Variants in PKP4 observed in about 807,000 individuals in gnomAD.
PKP4 encodes plakophilin 4, also known as plakophilin-4.
In PKP4, 90 loss-of-function variants were observed where a neutral mutation model predicts 145.1. The observed-to-expected ratio is 0.62, with a 90% confidence interval of 0.52 to 0.74. PKP4 has a LOEUF of 0.74. Ranked by LOEUF, PKP4 falls within the 30% of genes least tolerant of loss-of-function variation. PKP4 has a pLI of 0.00. For missense variants in PKP4, 1,340 were observed against 1,482.7 expected, an observed-to-expected ratio of 0.90 and a Z score of 1.58; for synonymous variants, 563 against 577.2, an observed-to-expected ratio of 0.98 and a Z score of 0.35.
At position 158,631,457 on chromosome 2, in the gene PKP4, C is replaced by T. The variant is rs2053352752; in HGVS notation, c.1154-296C>T. ...GGAGTGCAGTGGTGTGATCATGGCT[C>T]ACTGCAGCCTCGACATTCTGGGTTC... is the stretch of plus-strand genomic sequence containing the variant. On this transcript the variant is annotated intron_variant, in intron 7 of 21. Transcript: ENST00000389759. Among the ~76,000 whole-genome samples, 5 of 152,184 alleles carry T rather than the reference C, an allele frequency of 3.3e-5. No homozygotes were observed. In the South Asian group the frequency reaches 1.0e-3, roughly 32 times the overall value.
intron 2 of PKP4, 67 bp downstream of exon 2, chr2:158,533,383 A>G: frequency 6.4e-7 from 1 of 1,565,246 alleles, no homozygotes; most frequent in Admixed American, 1.7e-5. Context: ...TAATCTTTGG[A>G]TATGTTTTAA....
At chr2:158,582,449 TAAGATG>T (rs2048409207) in intron 3 of PKP4, among the ~76,000 whole-genome samples, 1 of 152,022 alleles carries the variant, frequency 6.6e-6, no homozygotes, top group African/African-American at 2.4e-5. Context: ...TTTAGAAAAA[TAAGATG>T]AAGCCAAGTT....
intron 7 of PKP4, among the ~76,000 whole-genome samples, chr2:158,629,639 A>G (rs1198053197): frequency 6.6e-6 from 1 of 152,082 alleles, no homozygotes; most frequent in Non-Finnish European, 1.5e-5. Flanking sequence ...ACTAACCAAC[A>G]TGTAATTAGC....
At chr2:158,632,024 A>G in intron 8 of PKP4, 83 bp downstream of exon 8, 4 of 1,274,218 alleles carry the variant, frequency 3.1e-6, no homozygotes, top group Non-Finnish European at 4.5e-6. Flanking sequence ...GTTCCCTGTT[A>G]GAAGGAAATC....
rs562955023 is a variant in PKP4 at position 158,511,903 on chromosome 2, G to A, written c.-5-21277G>A. ...GGGTGTTTAAGAAAAAAAAAATGCT[G>A]AGTAAACCATTTTGTCCTCAAAATG... On this transcript the variant is annotated intron_variant, in intron 1 of 21. Transcript: ENST00000389759. Among the ~76,000 whole-genome samples, 4 of 152,176 alleles carry A rather than the reference G, an allele frequency of 2.6e-5. No homozygotes were observed. In the South Asian group the frequency reaches 6.2e-4, roughly 24 times the overall value.
At chr2:158,580,922 C>T (rs1202265967) in intron 3 of PKP4, among the ~76,000 whole-genome samples, 1 of 152,206 alleles carries the variant, frequency 6.6e-6, no homozygotes, top group East Asian at 1.9e-4. Flanking sequence ...AGCTGCTCAA[C>T]AGGTAGTAAG....
intron 11 of PKP4, 22 bp downstream of exon 11, chr2:158,642,721 G>A (rs776537713): frequency 6.0e-5 from 92 of 1,530,906 alleles, no homozygotes; most frequent in South Asian, 3.1e-4. Flanking sequence ...ATGTGATCTC[G>A]TCCTAGAGGA....
In PKP4 at chr2:158,456,976, T is replaced by A. The variant is rs1255476563; in HGVS notation, c.-248T>A. On this transcript the variant is annotated 5_prime_UTR_variant, in exon 1 of 22. Coordinates refer to ENST00000389759, the MANE Select transcript of PKP4 (RefSeq NM_003628.6). ...CAGTAGAGGGGGCTCCGGGGCTGAGTCCGCGTCGACGCCGGCCGCGGAGGC... is the reference window on the plus strand; with the variant it reads ...CAGTAGAGGGGGCTCCGGGGCTGAGACCGCGTCGACGCCGGCCGCGGAGGC... The A allele has an allele frequency of 7.0e-6, 1 of 142,366 alleles. No individual in the cohort carries two copies. The highest frequency in any genetic ancestry group is 1.5e-5 in the Non-Finnish European group (1 of 65,528). The allele number at this position is 142,366 out of a possible 1,614,324, so 8.8% of individuals were successfully genotyped here.
intron 4 of PKP4, among the ~76,000 whole-genome samples, chr2:158,605,659 A>T (rs2050597372): frequency 6.6e-6 from 1 of 152,136 alleles, no homozygotes; most frequent in African/African-American, 2.4e-5. Context: ...AATTCATACT[A>T]TATAGTTTAC....
intron 11 of PKP4, among the ~76,000 whole-genome samples, chr2:158,655,582 C>T (rs145729539): frequency 6.6e-6 from 1 of 152,272 alleles, no homozygotes; most frequent in East Asian, 1.9e-4. Flanking sequence ...ATAGACTTTA[C>T]TTTCCATAAA....
chr2:158,645,554 G>A (rs2054742329), intron 11 of PKP4, among the ~76,000 whole-genome samples: 1 of 152,166 alleles, frequency 6.6e-6, no homozygotes. Flanking sequence ...GCAGCCAGGA[G>A]GGCTGCAGTC....
intron 1 of PKP4, among the ~76,000 whole-genome samples, chr2:158,531,162 A>G (rs2043507542): frequency 6.6e-6 from 1 of 152,212 alleles, no homozygotes; most frequent in African/African-American, 2.4e-5. Flanking sequence ...TAATACAATT[A>G]CCATAATATA....
chr2:158,612,800 A>G (rs1352615793), intron 4 of PKP4, among the ~76,000 whole-genome samples: 2 of 152,114 alleles, frequency 1.3e-5, no homozygotes, highest in Non-Finnish European at 2.9e-5. Flanking sequence ...ATAACACTCC[A>G]TGGAAACTTG....
intron 3 of PKP4, among the ~76,000 whole-genome samples, chr2:158,597,564 A>G (rs1472093292): frequency 6.6e-6 from 1 of 152,208 alleles, no homozygotes; most frequent in Non-Finnish European, 1.5e-5. Context: ...CCTCAAGGTA[A>G]TTCTGGAAGG....
In PKP4 at chr2:158,657,455, C is replaced by T. The variant is rs563593378; in HGVS notation, c.1910-676C>T. ...AATTTATTGTTAGTTTCACCTATTTCCAAAAAGGAATGACAGTAACGTGTG... is the reference window on the plus strand; with the variant it reads ...AATTTATTGTTAGTTTCACCTATTTTCAAAAAGGAATGACAGTAACGTGTG... On this transcript the variant is annotated intron_variant, in intron 11 of 21. Coordinates refer to ENST00000389759, the MANE Select transcript of PKP4 (RefSeq NM_003628.6). 2.0e-5 allele frequency among the ~76,000 whole-genome samples: 3 copies of T among 152,088 alleles called. No individual in the cohort carries two copies. In the East Asian group the frequency reaches 5.8e-4, roughly 29 times the overall value.
intron 2 of PKP4, among the ~76,000 whole-genome samples, chr2:158,568,154 T>A (rs761255042): frequency 4.6e-5 from 7 of 152,066 alleles, no homozygotes; most frequent in Non-Finnish European, 7.4e-5. Flanking sequence ...GCCAACATGG[T>A]GAAACCCCTT....
At chr2:158,545,143 T>C (rs892746876) in intron 2 of PKP4, among the ~76,000 whole-genome samples, 4 of 150,810 alleles carry the variant, frequency 2.7e-5, no homozygotes, top group African/African-American at 9.8e-5. Flanking sequence ...TTTGATTAGC[T>C]TTTGTTAGCT....
chr2:158,629,283 GCCGTTGCTCC>G lies in PKP4; in HGVS notation c.1154-2469_1154-2460del, dbSNP rs2053125181. On this transcript the variant is annotated intron_variant, in intron 7 of 21. Coordinates refer to ENST00000389759, the MANE Select transcript of PKP4 (RefSeq NM_003628.6). ...GAGTTCAGACTTTTCCTCACCATGT[GCCGTTGCTCC>G]ATGAGGGATAGCTGTGTCCAGTATT... is the stretch of plus-strand genomic sequence containing the variant. Among the ~76,000 whole-genome samples the G allele has an allele frequency of 2.0e-5, 3 of 152,236 alleles. 1 individual carries two copies. In the South Asian group the frequency reaches 6.2e-4, roughly 32 times the overall value.
chr2:158,566,492 A>ATATATATATATATATATATATAT (rs1283907525), intron 2 of PKP4, among the ~76,000 whole-genome samples: 2 of 152,080 alleles, frequency 1.3e-5, no homozygotes, highest in African/African-American at 2.4e-5. Context: ...ATATATATAT[A>ATATATATATATATATATATATAT]AAACCCAAAT....
Sources: gnomAD v4.1 joint callset for allele counts (sites outside exome capture counted in the v4.1 genomes callset) on GRCh38, gnomAD v4.1.1 for gene constraint, MANE v1.5 for transcripts, NCBI Gene and HGNC (gene_info 2026-07-23, HGNC 2026-07-21) for gene names.